Variants in MAPKAP1 observed in about 807,000 individuals in gnomAD.
The protein encoded by MAPKAP1 is target of rapamycin complex 2 subunit MAPKAP1.
Under a neutral mutation model 65.7 loss-of-function variants are expected in MAPKAP1, and 20 were observed. The observed-to-expected ratio is 0.30, with a 90% CI of 0.21 to 0.44. MAPKAP1 has a LOEUF of 0.44. Among genes scored for constraint, MAPKAP1 ranks in the 20% least tolerant of loss-of-function variants. The probability of loss-of-function intolerance (pLI) is 1.00; values close to 1 mark genes in which losing one functional copy is unlikely to be tolerated. For missense variants in MAPKAP1, 423 were observed against 648.0 expected, an observed-to-expected ratio of 0.65 and a Z score of 3.77; for synonymous variants, 222 against 244.3, an observed-to-expected ratio of 0.91 and a Z score of 0.85.
At chr9:125,576,011 C>T (rs1364001603) in intron 5 of MAPKAP1, among the ~76,000 whole-genome samples, 1 of 152,110 alleles carries the variant, frequency 6.6e-6, no homozygotes, top group Non-Finnish European at 1.5e-5. Context: ...TACTTAACAA[C>T]AGTGAGAAAT....
chr9:125,605,557 C>T (rs1013484685), intron 4 of MAPKAP1, among the ~76,000 whole-genome samples: 4 of 152,232 alleles, frequency 2.6e-5, no homozygotes, highest in African/African-American at 9.6e-5. Context: ...TTACTGCCAT[C>T]TGAAGCTCAC....
chr9:125,649,777 T>A (rs963573246), intron 4 of MAPKAP1, among the ~76,000 whole-genome samples: 6 of 121,844 alleles, frequency 4.9e-5, no homozygotes, highest in Middle Eastern at 5.1e-3. Flanking sequence ...CAGCTGCCAA[T>A]GGGTGACAGA....
At chr9:125,600,376 G>A (rs892809718) in intron 4 of MAPKAP1, among the ~76,000 whole-genome samples, 1 of 152,150 alleles carries the variant, frequency 6.6e-6, no homozygotes, top group African/African-American at 2.4e-5. Context: ...TCTGGACTCT[G>A]GCCCTGCCAG....
At chr9:125,601,926 C>T (rs1363337837) in intron 4 of MAPKAP1, among the ~76,000 whole-genome samples, 1 of 152,116 alleles carries the variant, frequency 6.6e-6, no homozygotes, top group Non-Finnish European at 1.5e-5. Context: ...CTGCAAAGAG[C>T]CAATTGAGAA....
intron 9 of MAPKAP1, among the ~76,000 whole-genome samples, chr9:125,482,970 G>T (rs1352682171): frequency 6.6e-6 from 1 of 152,168 alleles, no homozygotes; most frequent in Non-Finnish European, 1.5e-5. Context: ...TGTTTTTACA[G>T]ATAAGGAAAC....
chr9:125,524,419 T>C (rs1486765441), intron 7 of MAPKAP1, among the ~76,000 whole-genome samples: 1 of 152,252 alleles, frequency 6.6e-6, no homozygotes, highest in Non-Finnish European at 1.5e-5. Flanking sequence ...TAGCAACTAT[T>C]TCTTAATACA....
At chr9:125,695,796 T>C (rs1835365476) in intron 1 of MAPKAP1, among the ~76,000 whole-genome samples, 2 of 152,160 alleles carry the variant, frequency 1.3e-5, no homozygotes, top group Middle Eastern at 3.4e-3. Context: ...TGGCGCAATC[T>C]TGGCTCACTG....
In MAPKAP1 at chr9:125,445,186, C is replaced by T. The variant is rs554388932; in HGVS notation, c.1346-588G>A. 3.9e-5 allele frequency among the ~76,000 whole-genome samples: 6 copies of T among 152,258 alleles called. No homozygotes were observed. The South Asian group carries it at 1.0e-3, about 26-fold the overall frequency. On this transcript the variant is annotated intron_variant, in intron 10 of 11. Coordinates refer to ENST00000265960, the MANE Select transcript of MAPKAP1 (RefSeq NM_001006617.3). ...GAAAGTGGGCACCTCACAAAGCGAC[C>T]GACTCCAGGGGGCAGAGCTTCTGAA...
chr9:125,579,125 A>C (rs1589307035), intron 5 of MAPKAP1, among the ~76,000 whole-genome samples: 1 of 152,216 alleles, frequency 6.6e-6, no homozygotes, highest in South Asian at 2.1e-4. Flanking sequence ...AAATCAGTGC[A>C]TCAAAATAAG....
rs185908574 is a variant in MAPKAP1, at chr9:125,480,006, G to A, written c.1207+4437C>T. On this transcript the variant is annotated intron_variant, in intron 9 of 11. Transcript: ENST00000265960. Reference sequence around the variant, plus strand: ...AATTATTTACTCGTCTCAAAATCCAGCTGCTCACTTGAATACTCATACAGG... The same window carrying A: ...AATTATTTACTCGTCTCAAAATCCAACTGCTCACTTGAATACTCATACAGG... 5.4e-4 allele frequency among the ~76,000 whole-genome samples: 82 copies of A among 152,294 alleles called. No homozygotes were observed. The East Asian group carries it at 9.3e-3, about 17-fold the overall frequency.
chr9:125,641,905 G>A (rs1327878803), intron 4 of MAPKAP1, among the ~76,000 whole-genome samples: 1 of 152,136 alleles, frequency 6.6e-6, no homozygotes, highest in African/African-American at 2.4e-5. Context: ...GGTGGCGCAT[G>A]CCTGTAATCC....
chr9:125,585,890 AT>A (rs921368189), intron 4 of MAPKAP1, among the ~76,000 whole-genome samples, 163 bp from the exon 5 acceptor site: 2 of 151,990 alleles, frequency 1.3e-5, no homozygotes, highest in Non-Finnish European at 2.9e-5. Flanking sequence ...AGTTTCAAGG[AT>A]TTTTTTTCCT....
At chr9:125,527,926 A>T (rs1829820297) in intron 7 of MAPKAP1, among the ~76,000 whole-genome samples, 1 of 152,214 alleles carries the variant, frequency 6.6e-6, no homozygotes, top group East Asian at 1.9e-4. Context: ...TCTGATAACC[A>T]AAGTACAGTG....
At chr9:125,516,011 A>C (rs747425570) in intron 7 of MAPKAP1, among the ~76,000 whole-genome samples, 45 of 152,238 alleles carry the variant, frequency 3.0e-4, no homozygotes, top group Non-Finnish European at 3.4e-4. Context: ...AATATAAAGA[A>C]AAAAGATATT....
chr9:125,651,981 A>C, intron 4 of MAPKAP1: 8 of 546,516 alleles, frequency 1.5e-5, no homozygotes, highest in Non-Finnish European at 1.7e-5. Context: ...TCTTTGGGAA[A>C]GAGATCCAGA....
At chr9:125,542,054 ATC>A (rs557419183) in intron 7 of MAPKAP1, among the ~76,000 whole-genome samples, 6 of 151,158 alleles carry the variant, frequency 4.0e-5, no homozygotes, top group Non-Finnish European at 4.4e-5. Context: ...CCCTACCAGC[ATC>A]TCTCTCTCTC....
chr9:125,672,158 GGA>G (rs1337220867), intron 2 of MAPKAP1, among the ~76,000 whole-genome samples, 156 bp downstream of exon 2: 2 of 152,138 alleles, frequency 1.3e-5, no homozygotes, highest in Non-Finnish European at 2.9e-5. Flanking sequence ...TCGCAGAGAT[GGA>G]GATGTTGCTC....
At chr9:125,673,663 T>C (rs2131804357) in intron 1 of MAPKAP1, among the ~76,000 whole-genome samples, 1 of 152,300 alleles carries the variant, frequency 6.6e-6, no homozygotes, top group Non-Finnish European at 1.5e-5. Context: ...TTCACACCTG[T>C]ACTCTCAACC....
intron 1 of MAPKAP1, among the ~76,000 whole-genome samples, chr9:125,698,286 TA>T (rs1286147958): frequency 0.028 from 715 of 25,664 alleles, 10 homozygotes; most frequent in African/African-American, 0.12. Context: ...ATAATATATA[TA>T]AATATATATA....
Sources: gnomAD v4.1 joint callset for allele counts (sites outside exome capture counted in the v4.1 genomes callset) on GRCh38, gnomAD v4.1.1 for gene constraint, MANE v1.5 for transcripts, NCBI Gene and HGNC (gene_info 2026-07-23, HGNC 2026-07-21) for gene names.